HADHA: variants seen among roughly 807,000 people sequenced by gnomAD.
HADHA encodes the protein trifunctional enzyme subunit alpha, mitochondrial.
A neutral mutation model predicts 91.3 loss-of-function variants in HADHA; 59 were observed. The observed-to-expected ratio is 0.65, with a 90% confidence interval of 0.52 to 0.80. The LOEUF (loss-of-function observed/expected upper bound fraction) is 0.80. Among genes scored for constraint, HADHA ranks in the 30% least tolerant of loss-of-function variants. The probability of loss-of-function intolerance (pLI) is 0.00; values close to 1 mark genes in which losing one functional copy is unlikely to be tolerated. For synonymous variants in HADHA, 320 were observed against 338.9 expected, an observed-to-expected ratio of 0.94 and a Z score of 0.61; for missense variants, 800 against 927.6, an observed-to-expected ratio of 0.86 and a Z score of 1.79.
intron 13 of HADHA, among the ~76,000 whole-genome samples, chr2:26,198,380 G>T (rs13399742): frequency 0.024 from 2,837 of 117,258 alleles, 104 homozygotes; most frequent in African/African-American, 0.086. Context: ...TTTTTTTTTT[G>T]TTTTTTTTTT....
At position 26,195,252 on chromosome 2, in the gene HADHA, G is replaced by A. The variant is rs1286453702; in HGVS notation, c.1480-20C>T. 3.1e-6 allele frequency: 5 copies of A among 1,607,626 alleles called. No individual in the cohort carries two copies. The highest frequency in any genetic ancestry group is 3.4e-6 in the Non-Finnish European group (4 of 1,174,232). Reference sequence around the variant, plus strand: ...AATCACCTGGCAAGGGGAACCAAAAGCCAACAGATCGGAGAATGCGGGTGA... The same window carrying A: ...AATCACCTGGCAAGGGGAACCAAAAACCAACAGATCGGAGAATGCGGGTGA... On this transcript the variant is annotated intron_variant, in intron 14 of 19. Coordinates refer to ENST00000380649, the MANE Select transcript of HADHA (RefSeq NM_000182.5).
chr2:26,198,897 T>G (rs1337194851), intron 13 of HADHA, among the ~76,000 whole-genome samples: 2 of 140,042 alleles, frequency 1.4e-5, no homozygotes, highest in African/African-American at 5.2e-5. Context: ...AAAACATAAC[T>G]TTTTTTTTTT....
At position 26,214,650 on chromosome 2, in the gene HADHA, ATTC is replaced by A; in HGVS notation, c.800-92_800-90del. The A allele has an allele frequency of 1.3e-6, 1 of 782,064 alleles. No homozygotes were observed. The highest frequency in any genetic ancestry group is 2.3e-6 in the Non-Finnish European group (1 of 438,986). 48.4% of individuals were successfully genotyped at this position (782,064 alleles called of 1,614,324 possible). On this transcript the variant is annotated intron_variant, in intron 8 of 19. Coordinates refer to ENST00000380649, the MANE Select transcript of HADHA (RefSeq NM_000182.5). This position sits in a 1 kb window ranked among gnomAD's most constrained non-coding sequence, Gnocchi z 4.1. The stretch of plus-strand genomic sequence containing the variant: ...CTCTAAACTCTATAAAAATGAAGTA[ATTC>A]TAGCTATCTGCAAGAACTGCTCTTT...
chr2:26,205,588 C>T (rs1244810113), intron 11 of HADHA, among the ~76,000 whole-genome samples: 1 of 152,120 alleles, frequency 6.6e-6, no homozygotes. Flanking sequence ...CTTTGAGAGG[C>T]CAAGGCGGGC....
chr2:26,235,967 A>G (rs1466493731), intron 4 of HADHA, among the ~76,000 whole-genome samples: 1 of 152,244 alleles, frequency 6.6e-6, no homozygotes, highest in African/African-American at 2.4e-5. Flanking sequence ...TCCCCAAAGC[A>G]GCCATCTTCA....
At chr2:26,236,357 G>GTA (rs1363298462) in intron 4 of HADHA, among the ~76,000 whole-genome samples, 179 of 100,384 alleles carry the variant, frequency 1.8e-3, no homozygotes, top group South Asian at 5.0e-3. Context: ...GTGTGTGTGT[G>GTA]TGTATATATA....
chr2:26,208,273 T>G (rs1470880012), intron 11 of HADHA, among the ~76,000 whole-genome samples: 4 of 152,132 alleles, frequency 2.6e-5, no homozygotes. Flanking sequence ...GTATTCTGAT[T>G]CTCATTTTCT....
At chr2:26,231,382 A>C (rs1468452640) in intron 6 of HADHA, among the ~76,000 whole-genome samples, 1 of 152,194 alleles carries the variant, frequency 6.6e-6, no homozygotes, top group Non-Finnish European at 1.5e-5. Context: ...ATTGCTCTGC[A>C]GCATCCAGGT....
intron 3 of HADHA, among the ~76,000 whole-genome samples, 174 bp downstream of exon 3, chr2:26,238,760 A>C (rs755632955): frequency 7.9e-5 from 12 of 152,372 alleles, no homozygotes; most frequent in South Asian, 4.1e-4. Flanking sequence ...TCTGCTTTAG[A>C]AAACTGGCTC....
chr2:26,191,750 G>A, intron 18 of HADHA, 122 bp from the exon 19 acceptor site: 1 of 983,176 alleles, frequency 1.0e-6, no homozygotes, highest in Non-Finnish European at 1.6e-6. Context: ...GTTGGTGCTG[G>A]CCCTCAGAGA....
intron 7 of HADHA, 50 bp from the exon 8 acceptor site, chr2:26,215,225 C>T: frequency 3.1e-6 from 5 of 1,593,426 alleles, no homozygotes; most frequent in Non-Finnish European, 4.3e-6. Context: ...TAGACCAGTC[C>T]CAGGTAGTGA....
chr2:26,226,618 T>C (rs1353821175), intron 7 of HADHA, among the ~76,000 whole-genome samples: 1 of 152,184 alleles, frequency 6.6e-6, no homozygotes, highest in Non-Finnish European at 1.5e-5. Flanking sequence ...GATATTCATA[T>C]GCAAAAAGGG....
At position 26,230,273 on chromosome 2, in the gene HADHA, C is replaced by T; in HGVS notation, c.595G>A (p.Asp199Asn). 1 of 1,613,220 alleles carries T rather than the reference C, an allele frequency of 6.2e-7. No homozygotes were observed. Among genetic ancestry groups the T allele is most frequent in the South Asian group, 1.1e-5 (1 of 91,062 alleles). The change falls in exon 7 of 20, where the codon GAC becomes AAC. Residue 199 changes from aspartate (D) to asparagine (N), a missense_variant. Coordinates refer to ENST00000380649, the MANE Select transcript of HADHA (RefSeq NM_000182.5). Reference protein sequence around the residue: ...PKMVGVPAALDMMLTGRSIRA... With the variant: ...PKMVGVPAALNMMLTGRSIRA... ...ATGCTTCTACCAGTCAGCATCATGTCCAAAGCAGCAGGCACACCCACCTAA... is the reference window on the plus strand; with the variant it reads ...ATGCTTCTACCAGTCAGCATCATGTTCAAAGCAGCAGGCACACCCACCTAA...
intron 7 of HADHA, among the ~76,000 whole-genome samples, chr2:26,222,620 G>A (rs1456851955): frequency 6.6e-6 from 1 of 152,110 alleles, no homozygotes; most frequent in Non-Finnish European, 1.5e-5. Context: ...CATGGGCTTA[G>A]GCAATATGGA....
chr2:26,198,977 C>T (rs1475968642), intron 13 of HADHA, among the ~76,000 whole-genome samples: 1 of 151,926 alleles, frequency 6.6e-6, no homozygotes, highest in Non-Finnish European at 1.5e-5. Flanking sequence ...TCACCGCAAG[C>T]TTTGCCGCCT....
In HADHA at chr2:26,193,724, A is replaced by G; in HGVS notation, c.1738T>C (p.Phe580Leu). 3 of 1,614,186 alleles carry G rather than the reference A, an allele frequency of 1.9e-6. No homozygotes were observed. The highest frequency in any genetic ancestry group is 2.5e-6 in the Non-Finnish European group (3 of 1,180,002). Residue 580 changes from phenylalanine to leucine, a missense_variant, in exon 17 of 20, where the codon TTT becomes CTT. Transcript: ENST00000380649. ...ACCAGTGTGGCGGCACCCACAGGAA[A>G]GCCAAAGCTTGTGGTCAGGGAATCC... ...KLDSLTTSFG[F>L]PVGAATLVDE...
rs1444526586 is a variant in HADHA at position 26,242,876 on chromosome 2, C to T, written c.67+1654G>A. Among the ~76,000 whole-genome samples the T allele has an allele frequency of 2.6e-5, 4 of 152,202 alleles. No individual in the cohort carries two copies. In the East Asian group the frequency reaches 7.7e-4, roughly 29 times the overall value. On this transcript the variant is annotated intron_variant, in intron 1 of 19. Coordinates refer to ENST00000380649, the MANE Select transcript of HADHA (RefSeq NM_000182.5). ...ACGCCATTCTCCTGCCTCAGCCTCC[C>T]GAGTAGCTGGGACTACAGGCGCCCA... is the stretch of plus-strand genomic sequence containing the variant.
chr2:26,204,758 G>GT (rs552199927), intron 11 of HADHA, among the ~76,000 whole-genome samples: 9 of 151,946 alleles, frequency 5.9e-5, no homozygotes, highest in African/African-American at 2.2e-4. Flanking sequence ...TAATTTTTAA[G>GT]TTTTTTTGTA....
In HADHA at chr2:26,191,671, G is replaced by A. The variant is rs758130419; in HGVS notation, c.2001-43C>T. On this transcript the variant is annotated intron_variant, in intron 18 of 19. Coordinates refer to ENST00000380649, the MANE Select transcript of HADHA (RefSeq NM_000182.5). ...TGTTTAGGTAGAAGAAGAGGAAAAG[G>A]GGAGGAAAGCCAGAGCCGCAGATGC... 8 of 1,607,356 alleles carry A rather than the reference G, an allele frequency of 5.0e-6. No homozygotes were observed. The African/African-American group carries it at 6.7e-5, about 13-fold the overall frequency.
Sources: allele counts gnomAD v4.1 joint callset (sites outside exome capture counted in the v4.1 genomes callset), GRCh38; gene constraint gnomAD v4.1.1; non-coding constraint Gnocchi (gnomAD v3.1); transcripts MANE v1.5; gene names NCBI Gene and HGNC (gene_info 2026-07-23, HGNC 2026-07-21).